RIMKLB: variants seen among roughly 807,000 people sequenced by gnomAD.
The protein encoded by RIMKLB is ribosomal modification protein rimK like family member B.
Under a neutral mutation model 32.0 loss-of-function variants are expected in RIMKLB, and 7 were observed. The ratio of observed to expected loss-of-function variants is 0.22; its 90% CI spans 0.12 to 0.41. The LOEUF (loss-of-function observed/expected upper bound fraction) is 0.41, where lower values mean the gene tolerates loss of function less well. RIMKLB is among the 10% of genes least tolerant of loss of function. RIMKLB has a pLI of 1.00. For synonymous variants in RIMKLB, 172 were observed against 185.1 expected, an observed-to-expected ratio of 0.93 and a Z score of 0.57; for missense variants, 289 against 498.7, an observed-to-expected ratio of 0.58 and a Z score of 4.00.
At position 8,773,884 on chromosome 12, in the gene RIMKLB, A is replaced by G; in HGVS notation, c.*100A>G. 6.8e-7 allele frequency: 1 copy of G among 1,467,496 alleles called. No homozygotes were observed. The highest frequency in any genetic ancestry group is 9.0e-7 in the Non-Finnish European group (1 of 1,111,430). The allele number at this position is 1,467,496 out of a possible 1,614,324, so 90.9% of individuals were successfully genotyped here. A position where few individuals can be genotyped will look rare whatever the true frequency, so the allele number is the denominator to read the frequency against. ...ATGCTGTTCATGGAGGATGCTCAGG[A>G]AGATGAGAGAAAATTAGTAGGATTA... is the stretch of plus-strand genomic sequence containing the variant. On this transcript the variant is annotated 3_prime_UTR_variant, in exon 6 of 6. Transcript: ENST00000535829.
chr12:8,727,082 A>G (rs1946081310), intron 2 of RIMKLB, among the ~76,000 whole-genome samples: 3 of 152,090 alleles, frequency 2.0e-5, no homozygotes, highest in African/African-American at 7.2e-5. Flanking sequence ...AATTCCTCCC[A>G]CCAGTCCCTG....
upstream of RIMKLB, among the ~76,000 whole-genome samples, chr12:8,694,689 C>T (rs367640625): frequency 2.7e-4 from 41 of 152,146 alleles, no homozygotes; most frequent in African/African-American, 1.7e-4. Flanking sequence ...CCACCCTGCC[C>T]GGTCCCTCCT....
At chr12:8,684,298 G>A (rs1366470523) in intron 1 of RIMKLB, among the ~76,000 whole-genome samples, 1 of 150,644 alleles carries the variant, frequency 6.6e-6, no homozygotes, top group Non-Finnish European at 1.5e-5. Context: ...TCAGCCTCCC[G>A]AGTAACTGTG....
the RIMKLB span, among the ~76,000 whole-genome samples, chr12:8,673,886 C>T: frequency 3.3e-5 from 5 of 152,124 alleles, 1 homozygote; most frequent in African/African-American, 1.2e-4. Context: ...AGTGAGCCAC[C>T]GCACCCGGCC....
chr12:8,766,714 T>C (rs865972077), intron 5 of RIMKLB, among the ~76,000 whole-genome samples: 4 of 152,212 alleles, frequency 2.6e-5, no homozygotes, highest in Non-Finnish European at 2.9e-5. Flanking sequence ...CTGAAGGGAG[T>C]TCCTCCTAGG....
upstream of RIMKLB, chr12:8,678,730 G>C (rs1942359312): frequency 6.6e-6 from 1 of 152,226 alleles, no homozygotes; most frequent in Admixed American, 6.5e-5. Flanking sequence ...ATGCGGGGCT[G>C]TGTTCAGGAG....
intron 1 of RIMKLB, among the ~76,000 whole-genome samples, chr12:8,685,917 C>T (rs923985188): frequency 3.3e-5 from 5 of 152,174 alleles, no homozygotes; most frequent in African/African-American, 4.8e-5. Flanking sequence ...CAGCGATTCT[C>T]CTGCCTCGGC....
rs1342536348 is a variant in RIMKLB at position 8,698,135 on chromosome 12, GGGAGC to G, written c.-218_-214del. 1.8e-5 allele frequency: 5 copies of G among 285,380 alleles called. No individual in the cohort carries two copies. Among genetic ancestry groups the G allele is most frequent in the Non-Finnish European group, 2.8e-5 (4 of 141,472 alleles). 17.7% of individuals were successfully genotyped at this position (285,380 alleles called of 1,614,324 possible). A position where few individuals can be genotyped will look rare whatever the true frequency, so the allele number is the denominator to read the frequency against. On this transcript the variant is annotated 5_prime_UTR_variant, in exon 1 of 6. Transcript: ENST00000535829. The stretch of plus-strand genomic sequence containing the variant: ...GTGCGAGGACGCCCGGCCAGCCTGC[GGGAGC>G]CGCAGTCGGCGGAGGAGAAAGGAGG...
intron 1 of RIMKLB, among the ~76,000 whole-genome samples, chr12:8,690,457 G>C (rs2136569147): frequency 6.6e-6 from 1 of 152,310 alleles, no homozygotes; most frequent in Admixed American, 6.5e-5. Flanking sequence ...GGGGGAAACT[G>C]CAGACAATCC....
rs1716385280 is a variant in RIMKLB, at chr12:8,774,134, G to A, written c.*350G>A. 2.0e-6 allele frequency: 2 copies of A among 1,019,686 alleles called. No homozygotes were observed. Among genetic ancestry groups the A allele is most frequent in the African/African-American group, 3.4e-5 (2 of 58,272 alleles). 63.2% of individuals were successfully genotyped at this position (1,019,686 alleles called of 1,614,324 possible). On this transcript the variant is annotated 3_prime_UTR_variant, in exon 6 of 6. Transcript: ENST00000535829. ...TTTTGTTTTTGTACAAAAAAAAATG[G>A]TTTTGCTACAAATATCCAAGTAGCA... is the stretch of plus-strand genomic sequence containing the variant.
chr12:8,767,950 G>A (rs372322697), intron 5 of RIMKLB, among the ~76,000 whole-genome samples: 6 of 152,154 alleles, frequency 3.9e-5, no homozygotes, highest in South Asian at 2.1e-4. Flanking sequence ...AGGTCCCTTC[G>A]TGGTCACCAA....
upstream of RIMKLB, among the ~76,000 whole-genome samples, chr12:8,677,870 A>C (rs1438414340): frequency 6.6e-6 from 1 of 151,538 alleles, no homozygotes; most frequent in Non-Finnish European, 1.5e-5. Context: ...CTCCCACCTC[A>C]GCTTCCCAAG....
intron 2 of RIMKLB, 92 bp downstream of exon 2, chr12:8,714,133 A>G: frequency 9.7e-7 from 1 of 1,028,904 alleles, no homozygotes; most frequent in South Asian, 1.5e-5. Context: ...AGGAATTCTT[A>G]GCCTTGTCAT....
chr12:8,781,987 T>C (rs1951090354), downstream of RIMKLB, among the ~76,000 whole-genome samples: 1 of 151,952 alleles, frequency 6.6e-6, no homozygotes, highest in Admixed American at 6.6e-5. Flanking sequence ...GAAAGGCATA[T>C]GGTTCTTATC....
intron 2 of RIMKLB, among the ~76,000 whole-genome samples, chr12:8,730,201 TC>T (rs1479365253): frequency 1.1e-4 from 16 of 152,198 alleles, no homozygotes; most frequent in Non-Finnish European, 2.1e-4. Flanking sequence ...TTCTCCCACC[TC>T]AGCCTCCCAG....
chr12:8,737,614 CAATT>C (rs751393190), intron 2 of RIMKLB, among the ~76,000 whole-genome samples: 1 of 152,134 alleles, frequency 6.6e-6, no homozygotes, highest in Non-Finnish European at 1.5e-5. Flanking sequence ...TTGCCTCAAT[CAATT>C]ATGATGTTGT....
chr12:8,718,667 A>G (rs34808160), intron 2 of RIMKLB, among the ~76,000 whole-genome samples: 25,138 of 131,772 alleles, frequency 0.19, 2,316 homozygotes, highest in African/African-American at 0.27. Context: ...ATATATATAT[A>G]TATGTGTGTG....
intron 5 of RIMKLB, among the ~76,000 whole-genome samples, chr12:8,766,857 G>A (rs1256892383): frequency 3.9e-5 from 6 of 152,256 alleles, no homozygotes; most frequent in Non-Finnish European, 7.3e-5. Context: ...TAAGATTTGA[G>A]TTAGTAAGCT....
intron 1 of RIMKLB, among the ~76,000 whole-genome samples, chr12:8,710,582 A>C (rs1220957303): frequency 6.6e-6 from 1 of 152,174 alleles, no homozygotes; most frequent in Admixed American, 6.5e-5. Flanking sequence ...CTGGGATTAC[A>C]GGCAGGAGCC....
Sources: gnomAD v4.1 joint callset for allele counts (sites outside exome capture counted in the v4.1 genomes callset) on GRCh38, gnomAD v4.1.1 for gene constraint, MANE v1.5 for transcripts, NCBI Gene and HGNC (gene_info 2026-07-23, HGNC 2026-07-21) for gene names.